NSD1: variants seen among roughly 807,000 people sequenced by gnomAD.
NSD1 encodes the protein histone-lysine N-methyltransferase, H3 lysine-36 specific.
In NSD1, 26 loss-of-function variants were observed where a neutral mutation model predicts 242.7. The observed-to-expected ratio is 0.11, with a 90% CI of 0.08 to 0.15. The LOEUF (loss-of-function observed/expected upper bound fraction) is 0.15. Ranked by LOEUF, NSD1 falls within the 10% of genes least tolerant of loss-of-function variation. NSD1 has a pLI of 1.00. For missense variants in NSD1, 2,495 were observed against 3,272.8 expected (o/e 0.76, Z 5.80); for synonymous variants, 1,106 against 1,178.1 (o/e 0.94, Z 1.25).
Position 177,174,357 on chromosome 5 carries a change from C to T in NSD1, c.928-17527C>T, listed in dbSNP as rs1403463532. 6.6e-5 allele frequency among the ~76,000 whole-genome samples: 10 copies of T among 152,016 alleles called. No individual in the cohort carries two copies. In the East Asian group the frequency reaches 1.2e-3, roughly 18 times the overall value. Reference sequence around the variant, plus strand: ...CAACAAGAGCGAGACAGATTACAGGCGCACGCCACCTTGCCAAGCTAATTT... The same window carrying T: ...CAACAAGAGCGAGACAGATTACAGGTGCACGCCACCTTGCCAAGCTAATTT... On this transcript the variant is annotated intron_variant, in intron 2 of 22. Coordinates refer to ENST00000439151, the MANE Select transcript of NSD1 (RefSeq NM_022455.5).
Position 177,294,770 on chromosome 5 carries a change from C to T in NSD1, c.7402C>T (p.Arg2468Trp), listed in dbSNP as rs767815479. Residue 2468 changes from arginine to tryptophan, a missense_variant, in exon 23 of 23, where the codon CGG (arginine) becomes TGG (tryptophan). Arg to Trp is a moderately radical substitution (Grantham distance 101, BLOSUM62 -3). This residue lies in a region of NSD1 where 475 missense variants were observed against 563.7 expected (regional missense o/e 0.84). Coordinates refer to ENST00000439151, the MANE Select transcript of NSD1 (RefSeq NM_022455.5). The part of the protein sequence containing the change: ...LIDLTPRQKE[R>W]AASPHQVTPQ... ...AGACCTAACTCCTCGCCAGAAGGAG[C>T]GGGCAGCTTCACCTCATCAGGTCAC... 11 of 1,613,750 alleles carry T rather than the reference C, an allele frequency of 6.8e-6. No individual in the cohort carries two copies. The highest frequency in any genetic ancestry group is 1.3e-5 in the African/African-American group (1 of 74,944).
intron 2 of NSD1, among the ~76,000 whole-genome samples, chr5:177,158,783 C>T (rs1758415243): frequency 7.5e-6 from 1 of 134,156 alleles, no homozygotes; most frequent in African/African-American, 3.1e-5. Context: ...GATTGCACCA[C>T]TGCACTCCAG....
chr5:177,290,042 T>G (rs182564266), intron 21 of NSD1, among the ~76,000 whole-genome samples: 1 of 151,662 alleles, frequency 6.6e-6, no homozygotes, highest in South Asian at 2.1e-4. Flanking sequence ...GTTAGCCAGG[T>G]TGGTCTCGAT....
At chr5:177,279,581 A>C (rs1758676777) in intron 17 of NSD1, among the ~76,000 whole-genome samples, 2 of 145,998 alleles carry the variant, frequency 1.4e-5, no homozygotes, top group South Asian at 4.4e-4. Context: ...AACCTAGTTT[A>C]TAGTTCACCT....
chr5:177,261,110 A>G (rs1481020492), intron 14 of NSD1, among the ~76,000 whole-genome samples: 1 of 152,022 alleles, frequency 6.6e-6, no homozygotes, highest in Non-Finnish European at 1.5e-5. Flanking sequence ...AAGTGGTACA[A>G]TCTCGGCTCA....
In NSD1 at chr5:177,298,953, C is replaced by G. The variant is rs1364061533; in HGVS notation, c.*3494C>G. 4.3e-6 allele frequency: 1 copy of G among 233,058 alleles called. No individual in the cohort carries two copies. Among genetic ancestry groups the G allele is most frequent in the African/African-American group, 2.2e-5 (1 of 45,346 alleles). 14.4% of individuals were successfully genotyped at this position (233,058 alleles called of 1,614,324 possible). ...AGGAGCCCAGTGTCCTAACCTCTCTCAGATCATGGCAGAGAAGGAGCTGCC... is the reference window on the plus strand; with the variant it reads ...AGGAGCCCAGTGTCCTAACCTCTCTGAGATCATGGCAGAGAAGGAGCTGCC... On this transcript the variant is annotated 3_prime_UTR_variant, in exon 23 of 23. Coordinates refer to ENST00000439151, the MANE Select transcript of NSD1 (RefSeq NM_022455.5).
chr5:177,221,309 T>C lies in NSD1; in HGVS notation c.3796+9114T>C, dbSNP rs138920147. 4.3e-3 allele frequency among the ~76,000 whole-genome samples: 648 copies of C among 152,216 alleles called. 3 individuals are homozygous for C. The highest frequency in any genetic ancestry group is 0.014 in the African/African-American group (593 of 41,528). On this transcript the variant is annotated intron_variant, in intron 5 of 22. Coordinates refer to ENST00000439151, the MANE Select transcript of NSD1 (RefSeq NM_022455.5). ...TGCCTTCCTTGTTTTTTGTTTTTTT[T>C]TTTAATTGACATACTTTGTTTTCTT...
chr5:177,279,999 TTTTATTTTATTTTA>T (rs869143105), intron 17 of NSD1, among the ~76,000 whole-genome samples: 1 of 146,546 alleles, frequency 6.8e-6, no homozygotes, highest in Admixed American at 6.8e-5. Context: ...TTTTATTTTA[TTTTATTTTATTTTA>T]TTTTTTGTGA....
chr5:177,203,565 T>TG (rs751155748), intron 3 of NSD1, among the ~76,000 whole-genome samples: 14 of 152,164 alleles, frequency 9.2e-5, no homozygotes, highest in Non-Finnish European at 1.6e-4. Context: ...TACATTATTT[T>TG]GGGGGTGTGG....
At chr5:177,159,392 G>A (rs889436819) in intron 2 of NSD1, among the ~76,000 whole-genome samples, 3 of 150,320 alleles carry the variant, frequency 2.0e-5, no homozygotes, top group Non-Finnish European at 3.0e-5. Context: ...AAGCGATTCC[G>A]GTGCCTCAGC....
intron 21 of NSD1, among the ~76,000 whole-genome samples, chr5:177,290,151 C>G (rs908367298): frequency 2.7e-5 from 4 of 148,336 alleles, no homozygotes; most frequent in African/African-American, 7.5e-5. Flanking sequence ...TTTTTAAAGT[C>G]CTTGCTGATC....
intron 2 of NSD1, among the ~76,000 whole-genome samples, chr5:177,172,697 G>A (rs370099299): frequency 1.3e-4 from 20 of 152,256 alleles, no homozygotes; most frequent in African/African-American, 3.4e-4. Flanking sequence ...GGTGGTTCAC[G>A]TATATAATCC....
rs186575658 is a variant in NSD1 at position 177,221,962 on chromosome 5, A to G, written c.3796+9767A>G. Among the ~76,000 whole-genome samples, 231 of 151,864 alleles carry G rather than the reference A, an allele frequency of 1.5e-3. 1 individual carries two copies. Among genetic ancestry groups the G allele is most frequent in the African/African-American group, 5.5e-3 (228 of 41,390 alleles). On this transcript the variant is annotated intron_variant, in intron 5 of 22. Transcript: ENST00000439151. Reference sequence around the variant, plus strand: ...GTAGCTGGGACTACAGGGTTGTGCCACTATGCCGAGCTGAGTTTTTTGTAT... The same window carrying G: ...GTAGCTGGGACTACAGGGTTGTGCCGCTATGCCGAGCTGAGTTTTTTGTAT...
At chr5:177,174,563 A>AT (rs879352219) in intron 2 of NSD1, among the ~76,000 whole-genome samples, 222 of 145,194 alleles carry the variant, frequency 1.5e-3, no homozygotes, top group African/African-American at 3.8e-3. Flanking sequence ...ACTTATCTGA[A>AT]TTTTTTTTTT....
At chr5:177,160,039 A>G (rs1758612864) in intron 2 of NSD1, among the ~76,000 whole-genome samples, 1 of 151,812 alleles carries the variant, frequency 6.6e-6, no homozygotes, top group Non-Finnish European at 1.5e-5. Flanking sequence ...ACAGGTGTGC[A>G]CCACCATGCC....
intron 2 of NSD1, among the ~76,000 whole-genome samples, chr5:177,170,295 T>C (rs1562148688): frequency 6.6e-6 from 1 of 152,000 alleles, no homozygotes; most frequent in Admixed American, 6.6e-5. Flanking sequence ...TATTTTTTTT[T>C]CTTTTTTTGG....
At chr5:177,168,612 CA>C (rs1319484320) in intron 2 of NSD1, among the ~76,000 whole-genome samples, 1 of 152,056 alleles carries the variant, frequency 6.6e-6, no homozygotes, top group East Asian at 1.9e-4. Context: ...AGGTGCCCAC[CA>C]CCACGCCCAG....
At chr5:177,247,055 A>G (rs1227939904) in intron 10 of NSD1, among the ~76,000 whole-genome samples, 1 of 152,240 alleles carries the variant, frequency 6.6e-6, no homozygotes, top group Non-Finnish European at 1.5e-5. Context: ...TAAGTGTTTC[A>G]TCGTTAAGTA....
At chr5:177,169,491 G>A in intron 2 of NSD1, 1 of 158,986 alleles carries the variant, frequency 6.3e-6, no homozygotes, top group South Asian at 1.7e-4. Context: ...ACTTCCCATG[G>A]CCGGCTACTA....
Sources: allele counts gnomAD v4.1 joint callset (sites outside exome capture counted in the v4.1 genomes callset), GRCh38; gene constraint gnomAD v4.1.1; regional missense constraint gnomAD v4.1.1; transcripts MANE v1.5; gene names NCBI Gene and HGNC (gene_info 2026-07-23, HGNC 2026-07-21).